NKAIN2: variants seen among roughly 807,000 people sequenced by gnomAD.
The protein encoded by NKAIN2 is sodium/potassium transporting ATPase interacting 2.
In NKAIN2, 14 loss-of-function variants were observed where a neutral mutation model predicts 32.6. The observed-to-expected ratio is 0.43, with a 90% CI of 0.28 to 0.67. The LOEUF (loss-of-function observed/expected upper bound fraction) is 0.67, where lower values mean the gene tolerates loss of function less well. Ranked by LOEUF, NKAIN2 falls within the 30% of genes least tolerant of loss-of-function variation. The probability of loss-of-function intolerance (pLI) is 0.17; values close to 1 mark genes in which losing one functional copy is unlikely to be tolerated. For missense variants in NKAIN2, 198 were observed against 258.3 expected, an observed-to-expected ratio of 0.77 and a Z score of 1.60; for synonymous variants, 80 against 87.2, an observed-to-expected ratio of 0.92 and a Z score of 0.46.
At position 124,825,577 on chromosome 6, in the gene NKAIN2, C is replaced by T. The variant is rs1202876296; in HGVS notation, c.*2348C>T. Reference sequence around the variant, plus strand: ...TTGTTAATTCTGAATGTATTTTTAACAGAATGATTTTTTTGACTTACTAGT... The same window carrying T: ...TTGTTAATTCTGAATGTATTTTTAATAGAATGATTTTTTTGACTTACTAGT... On this transcript the variant is annotated 3_prime_UTR_variant, in exon 7 of 7. Coordinates refer to ENST00000368417, the MANE Select transcript of NKAIN2 (RefSeq NM_001040214.3). 6.6e-6 allele frequency: 1 copy of T among 152,330 alleles called. No homozygotes were observed. The highest frequency in any genetic ancestry group is 1.5e-5 in the Non-Finnish European group (1 of 67,984). 9.4% of individuals were successfully genotyped at this position (152,330 alleles called of 1,614,324 possible).
At chr6:124,194,548 G>GT (rs910102748) in intron 1 of NKAIN2, among the ~76,000 whole-genome samples, 1 of 151,646 alleles carries the variant, frequency 6.6e-6, no homozygotes, top group Non-Finnish European at 1.5e-5. Flanking sequence ...CATTCCTTCT[G>GT]TTTTTTTCTT....
chr6:124,809,018 G>T (rs1396894907), intron 5 of NKAIN2, among the ~76,000 whole-genome samples: 1 of 152,294 alleles, frequency 6.6e-6, no homozygotes, highest in African/African-American at 2.4e-5. Flanking sequence ...CCATGCTCAT[G>T]GGTAAGAAGA....
At chr6:124,659,175 T>A (rs1489391153) in intron 4 of NKAIN2, among the ~76,000 whole-genome samples, 1 of 152,204 alleles carries the variant, frequency 6.6e-6, no homozygotes, top group African/African-American at 2.4e-5. Context: ...AATCCATTTA[T>A]TCATTACAGA....
rs1582600163 is a variant in NKAIN2 at position 123,825,558 on chromosome 6, A to G, written c.54+21304A>G. ...ACTACTGTATGCCAGCAAATGGATAATTTACTTTTTCTCAGACGCCATTAA... is the reference window on the plus strand; with the variant it reads ...ACTACTGTATGCCAGCAAATGGATAGTTTACTTTTTCTCAGACGCCATTAA... On this transcript the variant is annotated intron_variant, in intron 1 of 6. Coordinates refer to ENST00000368417, the MANE Select transcript of NKAIN2 (RefSeq NM_001040214.3). Among the ~76,000 whole-genome samples, 6 of 152,184 alleles carry G rather than the reference A, an allele frequency of 3.9e-5. 2 individuals carry two copies. The highest frequency in any genetic ancestry group is 3.9e-4 in the Admixed American group (6 of 15,274).
chr6:124,042,740 C>G (rs1270498383), intron 1 of NKAIN2, among the ~76,000 whole-genome samples: 5 of 151,998 alleles, frequency 3.3e-5, no homozygotes, highest in Admixed American at 3.3e-4. Flanking sequence ...GCTCAATTTC[C>G]TATATTTCTA....
chr6:124,664,201 G>A (rs184514184), intron 4 of NKAIN2, among the ~76,000 whole-genome samples: 2 of 151,992 alleles, frequency 1.3e-5, no homozygotes, highest in Admixed American at 1.3e-4. Context: ...CCTGGACCCG[G>A]GAGGCGGAGG....
At chr6:123,894,273 C>T (rs893784391) in intron 1 of NKAIN2, among the ~76,000 whole-genome samples, 19 of 152,066 alleles carry the variant, frequency 1.2e-4, no homozygotes, top group African/African-American at 4.6e-4. Context: ...TGTGGGTCAG[C>T]GAGTGCCACT....
intron 1 of NKAIN2, among the ~76,000 whole-genome samples, chr6:124,023,099 A>G (rs1464379049): frequency 1.3e-5 from 2 of 151,362 alleles, no homozygotes; most frequent in Admixed American, 6.6e-5. Context: ...TATGTATATA[A>G]AAAGTATATA....
At chr6:124,140,322 A>G (rs1430346478) in intron 1 of NKAIN2, among the ~76,000 whole-genome samples, 1 of 152,250 alleles carries the variant, frequency 6.6e-6, no homozygotes, top group Non-Finnish European at 1.5e-5. Flanking sequence ...ACTGAAAAGC[A>G]TAAATTTATA....
At position 124,758,346 on chromosome 6, in the gene NKAIN2, A is replaced by G. The variant is rs1364935487; in HGVS notation, c.475-32993A>G. ...AGGTGATTAAAACCCTCATAAGAAT[A>G]TATTTTAGAAAGCTCTCTTGCCCCT... On this transcript the variant is annotated intron_variant, in intron 4 of 6. Coordinates refer to ENST00000368417, the MANE Select transcript of NKAIN2 (RefSeq NM_001040214.3). Among the ~76,000 whole-genome samples, 6 of 152,202 alleles carry G rather than the reference A, an allele frequency of 3.9e-5. No homozygotes were observed. The East Asian group carries it at 9.7e-4, about 25-fold the overall frequency.
chr6:124,825,511 A>G lies in NKAIN2; in HGVS notation c.*2282A>G, dbSNP rs1173938748. On this transcript the variant is annotated 3_prime_UTR_variant, in exon 7 of 7. Transcript: ENST00000368417. ...TTTTGTTATAAACTTAATATTCAGA[A>G]GGCAAGGGTTATGATCCTGATGTGT... The G allele has an allele frequency of 6.6e-6, 1 of 152,598 alleles. No homozygotes were observed. Among genetic ancestry groups the G allele is most frequent in the Non-Finnish European group, 1.5e-5 (1 of 68,024 alleles). 9.5% of individuals were successfully genotyped at this position (152,598 alleles called of 1,614,324 possible).
intron 3 of NKAIN2, among the ~76,000 whole-genome samples, chr6:124,638,411 G>C (rs1211813393): frequency 6.6e-6 from 1 of 152,136 alleles, no homozygotes; most frequent in Non-Finnish European, 1.5e-5. Context: ...GTAGACAAAT[G>C]GGAGTATGTC....
At chr6:124,636,280 G>T (rs575273389) in intron 3 of NKAIN2, among the ~76,000 whole-genome samples, 1 of 151,814 alleles carries the variant, frequency 6.6e-6, no homozygotes, top group African/African-American at 2.4e-5. Flanking sequence ...TACAGAAAAC[G>T]CAATACTAAG....
At chr6:124,221,124 C>G (rs1156872279) in intron 1 of NKAIN2, among the ~76,000 whole-genome samples, 1 of 151,654 alleles carries the variant, frequency 6.6e-6, no homozygotes, top group Non-Finnish European at 1.5e-5. Context: ...TATTGCGGCA[C>G]TATTCACAAT....
At chr6:124,296,683 G>A (rs1436323893) in intron 2 of NKAIN2, among the ~76,000 whole-genome samples, 1 of 152,140 alleles carries the variant, frequency 6.6e-6, no homozygotes, top group Non-Finnish European at 1.5e-5. Context: ...TTATTTCCAT[G>A]TTTTCAAGTG....
At chr6:124,618,480 A>AAAAT (rs201885427) in intron 3 of NKAIN2, among the ~76,000 whole-genome samples, 8 of 152,194 alleles carry the variant, frequency 5.3e-5, no homozygotes, top group African/African-American at 9.6e-5. Flanking sequence ...CTCTGTCTCA[A>AAAAT]AAATAAATAA....
chr6:124,614,555 A>G (rs925169503), intron 3 of NKAIN2, among the ~76,000 whole-genome samples: 2 of 152,126 alleles, frequency 1.3e-5, no homozygotes, highest in African/African-American at 2.4e-5. Context: ...CCTGCATGTG[A>G]ATATTATTTT....
At chr6:124,415,878 C>CTTTTTTTTTTTTTTTTTTTTTTTTT in intron 3 of NKAIN2, among the ~76,000 whole-genome samples, 16 of 72,602 alleles carry the variant, frequency 2.2e-4, no homozygotes, top group Non-Finnish European at 3.4e-4. Context: ...TTTTTATTTG[C>CTTTTTTTTTTTTTTTTTTTTTTTTT]TTTTTTTTTT....
At position 123,804,187 on chromosome 6, in the gene NKAIN2, G is replaced by A. The variant is rs750148337; in HGVS notation, c.-14G>A. On this transcript the variant is annotated 5_prime_UTR_variant, in exon 1 of 7. Transcript: ENST00000368417. The stretch of plus-strand genomic sequence containing the variant: ...ACGTGGGACAGTCTGGCTGTGGCAG[G>A]GGTCTCGGAAACCATGGGTTATTGC... 3.1e-6 allele frequency: 5 copies of A among 1,613,366 alleles called. No individual in the cohort carries two copies. In the Admixed American group the frequency reaches 5.0e-5, roughly 16 times the overall value.
Sources: allele counts gnomAD v4.1 joint callset (sites outside exome capture counted in the v4.1 genomes callset), GRCh38; gene constraint gnomAD v4.1.1; transcripts MANE v1.5; gene names NCBI Gene and HGNC (gene_info 2026-07-23, HGNC 2026-07-21).